The following FABP5 variants were observed in gnomAD, a reference collection of about 807,000 sequenced individuals.
FABP5 encodes fatty acid binding protein 5.
Under a neutral mutation model 16.9 loss-of-function variants are expected in FABP5, and 7 were observed. The observed-to-expected ratio is 0.41, with a 90% CI of 0.24 to 0.78. The LOEUF is 0.78. Ranked by LOEUF, FABP5 falls within the 30% of genes least tolerant of loss-of-function variation. The pLI, the probability that FABP5 is intolerant of heterozygous loss-of-function variation, is 0.30. For synonymous variants in FABP5, 37 were observed against 52.8 expected, an observed-to-expected ratio of 0.70 and a Z score of 1.30; for missense variants, 119 against 159.5, an observed-to-expected ratio of 0.75 and a Z score of 1.37.
In FABP5 at chr8:81,281,891, G is replaced by A. The variant is rs908623047; in HGVS notation, c.79+1217G>A. 1.3e-5 allele frequency among the ~76,000 whole-genome samples: 2 copies of A among 152,134 alleles called. No individual in the cohort carries two copies. The highest frequency in any genetic ancestry group is 4.8e-5 in the African/African-American group (2 of 41,410). ...AGGGATGGCTGGGATTTATGAGGGTGCTTCAGAAGCCGGTATCCACAAATG... is the reference window on the plus strand; with the variant it reads ...AGGGATGGCTGGGATTTATGAGGGTACTTCAGAAGCCGGTATCCACAAATG... On this transcript the variant is annotated intron_variant, in intron 1 of 3. Transcript: ENST00000297258. The surrounding 1 kb of genome is among the most constrained non-coding windows in gnomAD (Gnocchi z 4.5).
chr8:81,282,594 AT>A (rs1420769681), intron 1 of FABP5, among the ~76,000 whole-genome samples: 12 of 152,188 alleles, frequency 7.9e-5, no homozygotes, highest in Admixed American at 5.2e-4. Context: ...CATAAATTAC[AT>A]GTTAACGTTG....
In FABP5 at chr8:81,280,568, TC is replaced by T. The variant is rs2131266608; in HGVS notation, c.-27del. Reference sequence around the variant, plus strand: ...GCTGCCACGCCGACGCAGACCCCTCTCTGCACGCCAGCCCGCCCGCACCCAC... The same window carrying T: ...GCTGCCACGCCGACGCAGACCCCTCTTGCACGCCAGCCCGCCCGCACCCAC... On this transcript the variant is annotated 5_prime_UTR_variant, in exon 1 of 4. Coordinates refer to ENST00000297258, the MANE Select transcript of FABP5 (RefSeq NM_001444.3). 6.5e-7 allele frequency: 1 copy of T among 1,547,882 alleles called. No individual in the cohort carries two copies. The highest frequency in any genetic ancestry group is 2.4e-5 in the East Asian group (1 of 40,878).
At chr8:81,282,232 G>A (rs140783809) in intron 1 of FABP5, among the ~76,000 whole-genome samples, 2 of 151,382 alleles carry the variant, frequency 1.3e-5, no homozygotes, top group East Asian at 3.9e-4. Flanking sequence ...ACTTTTCTCT[G>A]CCTGTAGAAA....
At position 81,281,063 on chromosome 8, in the gene FABP5, T is replaced by C. The variant is rs1807822657; in HGVS notation, c.79+389T>C. 1 of 184,452 alleles carries C rather than the reference T, an allele frequency of 5.4e-6. No individual in the cohort carries two copies. Among genetic ancestry groups the C allele is most frequent in the Non-Finnish European group, 1.1e-5 (1 of 88,798 alleles). 11.4% of individuals were successfully genotyped at this position (184,452 alleles called of 1,614,324 possible). A position where few individuals can be genotyped will look rare whatever the true frequency, so the allele number is the denominator to read the frequency against. ...CCCTCCAGGCGACCCTGTATTTCCCTTTTTTCCCCCTTTACTCATCCTTCC... is the reference window on the plus strand; with the variant it reads ...CCCTCCAGGCGACCCTGTATTTCCCCTTTTTCCCCCTTTACTCATCCTTCC... On this transcript the variant is annotated intron_variant, in intron 1 of 3. Coordinates refer to ENST00000297258, the MANE Select transcript of FABP5 (RefSeq NM_001444.3). This position sits in a 1 kb window ranked among gnomAD's most constrained non-coding sequence, Gnocchi z 4.5.
intron 1 of FABP5, 142 bp from the exon 2 acceptor site, chr8:81,283,224 G>C (rs1452237420): frequency 1.5e-6 from 1 of 672,176 alleles, no homozygotes; most frequent in Non-Finnish European, 2.5e-6. Flanking sequence ...CTCATACCGT[G>C]GGATATATGT....
At chr8:81,280,805 C>A (rs1054663144) in intron 1 of FABP5, 131 bp downstream of exon 1, 1 of 805,094 alleles carries the variant, frequency 1.2e-6, no homozygotes, top group Non-Finnish European at 2.0e-6. Context: ...CTCCCATCTT[C>A]CCCACCACGC....
In FABP5 at chr8:81,281,594, A is replaced by G; in HGVS notation, c.79+920A>G. On this transcript the variant is annotated intron_variant, in intron 1 of 3. Coordinates refer to ENST00000297258, the MANE Select transcript of FABP5 (RefSeq NM_001444.3). The surrounding 1 kb of genome is among the most constrained non-coding windows in gnomAD (Gnocchi z 4.5). ...GAAACTGCCTGGCCCTCCTGCGGCT[A>G]ACTGCATGCAAGATGGGTGTGGCCC... 1.4e-5 allele frequency: 14 copies of G among 985,574 alleles called. No individual in the cohort carries two copies. The highest frequency in any genetic ancestry group is 1.7e-5 in the Non-Finnish European group (14 of 830,022). 61.1% of individuals were successfully genotyped at this position (985,574 alleles called of 1,614,324 possible). A position where few individuals can be genotyped will look rare whatever the true frequency, so the allele number is the denominator to read the frequency against.
intron 1 of FABP5, 59 bp downstream of exon 1, chr8:81,280,733 T>A: frequency 6.8e-7 from 1 of 1,464,350 alleles, no homozygotes; most frequent in Non-Finnish European, 9.4e-7. Context: ...CGTCTGTCCC[T>A]AGGTCCCCGT....
rs1010723594 is a variant in FABP5 at position 81,280,567 on chromosome 8, C to G, written c.-29C>G. 7.8e-6 allele frequency: 12 copies of G among 1,547,554 alleles called. No homozygotes were observed. Among genetic ancestry groups the G allele is most frequent in the African/African-American group, 4.1e-5 (3 of 72,874 alleles). Reference sequence around the variant, plus strand: ...CGCTGCCACGCCGACGCAGACCCCTCTCTGCACGCCAGCCCGCCCGCACCC... The same window carrying G: ...CGCTGCCACGCCGACGCAGACCCCTGTCTGCACGCCAGCCCGCCCGCACCC... On this transcript the variant is annotated 5_prime_UTR_variant, in exon 1 of 4. Transcript: ENST00000297258.
rs1402099410 is a variant in FABP5, at chr8:81,283,575, T to C, written c.252+37T>C. 1.9e-6 allele frequency: 3 copies of C among 1,560,676 alleles called. No homozygotes were observed. In the African/African-American group the frequency reaches 4.1e-5, roughly 21 times the overall value. ...CATGTTATGAAATCACAGAAGCTTCTAGAATGATAGGCTGTATCAATAACA... is the reference window on the plus strand; with the variant it reads ...CATGTTATGAAATCACAGAAGCTTCCAGAATGATAGGCTGTATCAATAACA... On this transcript the variant is annotated intron_variant, in intron 2 of 3. Transcript: ENST00000297258.
intron 2 of FABP5, 141 bp from the exon 3 acceptor site, chr8:81,283,732 T>C: frequency 2.2e-6 from 2 of 923,702 alleles, no homozygotes. Context: ...AACCACAAAC[T>C]ATTGTGAATA....
At position 81,284,597 on chromosome 8, in the gene FABP5, A is replaced by T. The variant is rs1330538158; in HGVS notation, c.*30A>T. 1 of 1,317,868 alleles carries T rather than the reference A, an allele frequency of 7.6e-7. No homozygotes were observed. Among genetic ancestry groups the T allele is most frequent in the Non-Finnish European group, 1.1e-6 (1 of 922,850 alleles). The allele number at this position is 1,317,868 out of a possible 1,614,324, so 81.6% of individuals were successfully genotyped here. ...TCCATCATCACTTTGGACAGGAGTTAATTAAGAGAATGACCAAGCTCAGTT... is the reference window on the plus strand; with the variant it reads ...TCCATCATCACTTTGGACAGGAGTTTATTAAGAGAATGACCAAGCTCAGTT... On this transcript the variant is annotated 3_prime_UTR_variant, in exon 4 of 4. Transcript: ENST00000297258.
At position 81,284,417 on chromosome 8, in the gene FABP5, C is replaced by T. The variant is rs560775263; in HGVS notation, c.355-97C>T. On this transcript the variant is annotated intron_variant, in intron 3 of 3. Coordinates refer to ENST00000297258, the MANE Select transcript of FABP5 (RefSeq NM_001444.3). ...TTTTCTCCATCTATGAAGTAGATTA[C>T]GTGATTTCGTGGGACTTTGATTCTA... is the stretch of plus-strand genomic sequence containing the variant. 21 of 775,718 alleles carry T rather than the reference C, an allele frequency of 2.7e-5. 1 individual carries two copies. The highest frequency in any genetic ancestry group is 9.8e-5 in the South Asian group (6 of 61,426). 48.1% of individuals were successfully genotyped at this position (775,718 alleles called of 1,614,324 possible). A position where few individuals can be genotyped will look rare whatever the true frequency, so the allele number is the denominator to read the frequency against.
At chr8:81,283,650 G>C in intron 2 of FABP5, 112 bp downstream of exon 2, 1 of 1,249,620 alleles carries the variant, frequency 8.0e-7, no homozygotes, top group Admixed American at 2.8e-5. Context: ...TTTATGAATT[G>C]AATTTTGTCA....
chr8:81,283,351 C>G lies in FABP5; in HGVS notation c.80-15C>G. ...TTGGTCTTCCTGTTATTTAACATGA[C>G]TTAACATTCTACAGGAGTGGGAATA... is the stretch of plus-strand genomic sequence containing the variant. On this transcript the variant is annotated splice_polypyrimidine_tract_variant and intron_variant, in intron 1 of 3. Coordinates refer to ENST00000297258, the MANE Select transcript of FABP5 (RefSeq NM_001444.3). The G allele has an allele frequency of 6.4e-7, 1 of 1,566,050 alleles. No individual in the cohort carries two copies. Among genetic ancestry groups the G allele is most frequent in the South Asian group, 1.2e-5 (1 of 83,888 alleles).
chr8:81,281,716 A>C lies in FABP5; in HGVS notation c.79+1042A>C, dbSNP rs1212730671. The C allele has an allele frequency of 1.0e-6, 1 of 971,398 alleles. No individual in the cohort carries two copies. Among genetic ancestry groups the C allele is most frequent in the Admixed American group, 6.2e-5 (1 of 16,248 alleles). The allele number at this position is 971,398 out of a possible 1,614,324, so 60.2% of individuals were successfully genotyped here. On this transcript the variant is annotated intron_variant, in intron 1 of 3. Transcript: ENST00000297258. This position sits in a 1 kb window ranked among gnomAD's most constrained non-coding sequence, Gnocchi z 4.5. ...TCAAAACAGTGCTTCATTATAAATT[A>C]CTGTCCTTTTCTATGCCAGTGACAG...
Position 81,281,601 on chromosome 8 carries a change from T to C in FABP5, c.79+927T>C, listed in dbSNP as rs1039887123. The C allele has an allele frequency of 2.0e-6, 2 of 985,320 alleles. No individual in the cohort carries two copies. Among genetic ancestry groups the C allele is most frequent in the Non-Finnish European group, 2.4e-6 (2 of 829,928 alleles). The allele number at this position is 985,320 out of a possible 1,614,324, so 61.0% of individuals were successfully genotyped here. A position where few individuals can be genotyped will look rare whatever the true frequency, so the allele number is the denominator to read the frequency against. The stretch of plus-strand genomic sequence containing the variant: ...CCTGGCCCTCCTGCGGCTAACTGCA[T>C]GCAAGATGGGTGTGGCCCTGCAGAA... On this transcript the variant is annotated intron_variant, in intron 1 of 3. Transcript: ENST00000297258. The surrounding 1 kb of genome is among the most constrained non-coding windows in gnomAD (Gnocchi z 4.5).
rs1382097473 is a variant in FABP5 at position 81,281,860 on chromosome 8, G to C, written c.79+1186G>C. ...GATCCTCTCTGGAAGGGAGCTTCCA[G>C]CCCTAAGGGATGGCTGGGATTTATG... On this transcript the variant is annotated intron_variant, in intron 1 of 3. Transcript: ENST00000297258. The surrounding 1 kb of genome is among the most constrained non-coding windows in gnomAD (Gnocchi z 4.5). Among the ~76,000 whole-genome samples the C allele has an allele frequency of 6.6e-6, 1 of 152,184 alleles. No homozygotes were observed. Among genetic ancestry groups the C allele is most frequent in the African/African-American group, 2.4e-5 (1 of 41,436 alleles).
intron 1 of FABP5, 46 bp downstream of exon 1, chr8:81,280,720 G>A: frequency 6.6e-7 from 1 of 1,520,084 alleles, no homozygotes; most frequent in South Asian, 1.2e-5. Context: ...CGTGTTGTGC[G>A]GTCGTCTGTC....
Sources: allele counts gnomAD v4.1 joint callset (sites outside exome capture counted in the v4.1 genomes callset), GRCh38; gene constraint gnomAD v4.1.1; non-coding constraint Gnocchi (gnomAD v3.1); transcripts MANE v1.5; gene names NCBI Gene and HGNC (gene_info 2026-07-23, HGNC 2026-07-21).